Variants in ADGRB3 observed in about 807,000 individuals in gnomAD.
ADGRB3 encodes the protein brain-specific angiogenesis inhibitor 3.
A neutral mutation model predicts 193.4 loss-of-function variants in ADGRB3; 37 were observed. The observed-to-expected ratio is 0.19, with a 90% confidence interval of 0.15 to 0.25. ADGRB3 has a LOEUF of 0.25. ADGRB3 is among the 10% of genes least tolerant of loss of function. The probability of loss-of-function intolerance (pLI) is 1.00; values close to 1 mark genes in which losing one functional copy is unlikely to be tolerated. For synonymous variants in ADGRB3, 690 were observed against 644.2 expected, an observed-to-expected ratio of 1.07 and a Z score of -1.08; for missense variants, 1,637 against 1,852.9, an observed-to-expected ratio of 0.88 and a Z score of 2.14.
chr6:68,882,251 A>C (rs939970440), intron 3 of ADGRB3, among the ~76,000 whole-genome samples: 2 of 152,220 alleles, frequency 1.3e-5, no homozygotes, highest in African/African-American at 4.8e-5. Context: ...TAGATTGTAG[A>C]GTCCCAAGGT....
At chr6:68,776,608 C>T (rs913300538) in intron 3 of ADGRB3, among the ~76,000 whole-genome samples, 36 of 152,144 alleles carry the variant, frequency 2.4e-4, no homozygotes, top group Admixed American at 2.3e-3. Flanking sequence ...CAGGATGGCA[C>T]CGTGTGGGAG....
intron 8 of ADGRB3, among the ~76,000 whole-genome samples, chr6:68,969,473 C>T (rs1768492425): frequency 6.6e-6 from 1 of 152,132 alleles, no homozygotes; most frequent in Non-Finnish European, 1.5e-5. Context: ...GCCTTTGGAT[C>T]ACACTAAGCA....
chr6:69,339,971 T>G (rs1356497149), intron 26 of ADGRB3, among the ~76,000 whole-genome samples: 2 of 152,188 alleles, frequency 1.3e-5, no homozygotes, highest in African/African-American at 4.8e-5. Flanking sequence ...CAGAAAGCAT[T>G]GAAGATGAAT....
chr6:69,339,142 G>A lies in ADGRB3; in HGVS notation c.3287+128G>A, dbSNP rs904025574. On this transcript the variant is annotated intron_variant, in intron 25 of 31. Transcript: ENST00000370598. ...GAGTATATTTAAATATTTATAATTG[G>A]CAACTGTCTTTATAGCTATTGTGGG... The A allele has an allele frequency of 3.5e-6, 4 of 1,142,818 alleles. No homozygotes were observed. The African/African-American group carries it at 4.7e-5, about 13-fold the overall frequency. The allele number at this position is 1,142,818 out of a possible 1,614,324, so 70.8% of individuals were successfully genotyped here.
At chr6:69,236,291 G>A (rs1424575930) in intron 19 of ADGRB3, among the ~76,000 whole-genome samples, 3 of 151,836 alleles carry the variant, frequency 2.0e-5, no homozygotes, top group South Asian at 2.1e-4. Context: ...TGACCCATTA[G>A]CACTGGTACA....
chr6:69,327,155 A>G (rs541830564), intron 21 of ADGRB3, among the ~76,000 whole-genome samples: 2 of 152,146 alleles, frequency 1.3e-5, no homozygotes, highest in South Asian at 2.1e-4. Flanking sequence ...CTAAAAAAAA[A>G]ATCTTTAAAC....
intron 10 of ADGRB3, among the ~76,000 whole-genome samples, chr6:68,984,063 A>C (rs1318289638): frequency 6.6e-6 from 1 of 152,118 alleles, no homozygotes; most frequent in African/African-American, 2.4e-5. Context: ...GCAAGAAGAG[A>C]GTGTCATGAC....
intron 17 of ADGRB3, among the ~76,000 whole-genome samples, chr6:69,194,696 A>G (rs1212637956): frequency 6.6e-6 from 1 of 152,146 alleles, no homozygotes; most frequent in Non-Finnish European, 1.5e-5. Context: ...CTCAAAACAT[A>G]TATAAACAAA....
intron 3 of ADGRB3, among the ~76,000 whole-genome samples, chr6:68,920,615 T>G (rs1767015274): frequency 1.3e-5 from 2 of 150,122 alleles, no homozygotes; most frequent in South Asian, 4.2e-4. Context: ...TACGAGTGAG[T>G]AGAGAAGTAT....
At chr6:68,932,329 A>G (rs1767362716) in intron 4 of ADGRB3, among the ~76,000 whole-genome samples, 1 of 152,196 alleles carries the variant, frequency 6.6e-6, no homozygotes, top group Non-Finnish European at 1.5e-5. Flanking sequence ...AATTTAGCCA[A>G]AAGTTTTTGT....
At chr6:68,968,346 C>G (rs1768452430) in intron 8 of ADGRB3, among the ~76,000 whole-genome samples, 1 of 152,110 alleles carries the variant, frequency 6.6e-6, no homozygotes, top group African/African-American at 2.4e-5. Context: ...CAGAATAATA[C>G]TAAGTGTGAA....
intron 3 of ADGRB3, among the ~76,000 whole-genome samples, chr6:68,869,680 T>C (rs1765403010): frequency 6.6e-6 from 1 of 151,212 alleles, no homozygotes; most frequent in Non-Finnish European, 1.5e-5. Context: ...ATATGAAAAA[T>C]TAAAAGTGTT....
intron 3 of ADGRB3, among the ~76,000 whole-genome samples, chr6:68,778,002 C>T (rs1197961713): frequency 1.3e-5 from 2 of 152,058 alleles, no homozygotes; most frequent in Admixed American, 1.3e-4. Flanking sequence ...GCCAATGTAG[C>T]ATTAAGTTTC....
intron 4 of ADGRB3, among the ~76,000 whole-genome samples, chr6:68,933,411 G>T (rs1167385573): frequency 6.6e-6 from 1 of 152,060 alleles, no homozygotes; most frequent in East Asian, 1.9e-4. Context: ...GACCATCATG[G>T]TGAAACCCCG....
chr6:69,216,093 A>C (rs1183791015), intron 17 of ADGRB3, among the ~76,000 whole-genome samples: 1 of 152,186 alleles, frequency 6.6e-6, no homozygotes, highest in African/African-American at 2.4e-5. Flanking sequence ...TTTAAATATT[A>C]TAATGGTTTT....
intron 16 of ADGRB3, among the ~76,000 whole-genome samples, chr6:69,067,114 A>G (rs71555402): frequency 1.3e-5 from 2 of 152,138 alleles, no homozygotes; most frequent in Non-Finnish European, 2.9e-5. Flanking sequence ...TTTCAAATGG[A>G]AAGATAGAGT....
At chr6:69,296,322 C>T (rs2127294552) in intron 20 of ADGRB3, among the ~76,000 whole-genome samples, 1 of 152,200 alleles carries the variant, frequency 6.6e-6, no homozygotes, top group South Asian at 2.1e-4. Flanking sequence ...GATTTCCTAG[C>T]TATGTTGCAT....
intron 20 of ADGRB3, among the ~76,000 whole-genome samples, chr6:69,285,061 G>T (rs1767519182): frequency 6.6e-6 from 1 of 152,166 alleles, no homozygotes; most frequent in African/African-American, 2.4e-5. Context: ...GATGCTCAAA[G>T]AATGCTTTAG....
intron 20 of ADGRB3, among the ~76,000 whole-genome samples, chr6:69,311,459 G>A (rs1265830977): frequency 6.6e-6 from 1 of 151,702 alleles, no homozygotes; most frequent in Non-Finnish European, 1.5e-5. Context: ...GCTAACAGAG[G>A]CTTCAATGCT....
Sources: allele counts gnomAD v4.1 joint callset (sites outside exome capture counted in the v4.1 genomes callset), GRCh38; gene constraint gnomAD v4.1.1; transcripts MANE v1.5; gene names NCBI Gene and HGNC (gene_info 2026-07-23, HGNC 2026-07-21).